CMYA5: variants seen among roughly 807,000 people sequenced by gnomAD.
CMYA5 encodes the protein cardiomyopathy associated 5.
A neutral mutation model predicts 318.9 loss-of-function variants in CMYA5; 246 were observed. The observed-to-expected ratio is 0.77, with a 90% CI of 0.70 to 0.86. The LOEUF is 0.86. Ranked by LOEUF, CMYA5 falls within the 40% of genes least tolerant of loss-of-function variation. The pLI is 0.00. For missense variants in CMYA5, 4,589 were observed against 4,678.2 expected, an observed-to-expected ratio of 0.98 and a Z score of 0.56; for synonymous variants, 1,641 against 1,729.5, an observed-to-expected ratio of 0.95 and a Z score of 1.27.
In CMYA5 at chr5:79,734,074, G is replaced by A. The variant is rs1364256691; in HGVS notation, c.5309G>A (p.Gly1770Asp). The change falls in exon 2 of 13, where the codon GGC (glycine) becomes GAC (aspartate). Residue 1770 changes from glycine to aspartate, a missense_variant. Gly to Asp is a moderately conservative substitution (Grantham distance 94, BLOSUM62 -1). Coordinates refer to ENST00000446378, the MANE Select transcript of CMYA5 (RefSeq NM_153610.5). The stretch of plus-strand genomic sequence containing the variant: ...AAAAAGGGAGGAAATCAAGAAATAG[G>A]CCCATTACCACCAACTGGAAATTTG... The part of the protein sequence containing the change: ...DFKKGGNQEI[G>D]PLPPTGNLKA... The A allele has an allele frequency of 1.9e-6, 3 of 1,613,686 alleles. No homozygotes were observed. Among genetic ancestry groups the A allele is most frequent in the African/African-American group, 1.3e-5 (1 of 74,886 alleles).
chr5:79,791,491 C>T (rs573005717), intron 11 of CMYA5, among the ~76,000 whole-genome samples: 1 of 152,102 alleles, frequency 6.6e-6, no homozygotes, highest in African/African-American at 2.4e-5. Flanking sequence ...GAGGCCAAGG[C>T]AGGCAGATCA....
Position 79,763,083 on chromosome 5 carries a change from G to C in CMYA5, c.11429G>C (p.Arg3810Pro), listed in dbSNP as rs1230455915. The change falls in exon 9 of 13, where the codon CGC becomes CCC. Residue 3810 changes from arginine (R) to proline (P), a missense_variant. Physicochemically the swap from Arg to Pro is moderately radical, Grantham distance 103. Transcript: ENST00000446378. The stretch of plus-strand genomic sequence containing the variant: ...GCAGCACCCTCCACCCCTGTGATCC[G>C]CGCTGAGGACTGTACTGTGTGTTGG... ...FRTAPSTPVI[R>P]AEDCTVCWNT... The C allele has an allele frequency of 6.2e-7, 1 of 1,613,706 alleles. No individual in the cohort carries two copies. The highest frequency in any genetic ancestry group is 8.5e-7 in the Non-Finnish European group (1 of 1,179,882).
chr5:79,734,843 AG>A lies in CMYA5; in HGVS notation c.6079del (p.Glu2027SerfsTer34). On this transcript the variant is annotated frameshift_variant, in exon 2 of 13. Transcript: ENST00000446378. LOFTEE classifies it high-confidence loss of function. ...ESLLLEKANT[E>X]LSWPSKEDSQ... Reference sequence around the variant, plus strand: ...GTTTGCTATTGGAGAAAGCAAACACAGAGCTTTCCTGGCCTTCCAAAGAAGA... The same window carrying A: ...GTTTGCTATTGGAGAAAGCAAACACAAGCTTTCCTGGCCTTCCAAAGAAGA... 1 of 1,613,714 alleles carries A rather than the reference AG, an allele frequency of 6.2e-7. No homozygotes were observed. The highest frequency in any genetic ancestry group is 1.1e-5 in the South Asian group (1 of 91,060).
chr5:79,742,104 T>C (rs1328335173), intron 2 of CMYA5, among the ~76,000 whole-genome samples: 3 of 98,394 alleles, frequency 3.0e-5, no homozygotes, highest in African/African-American at 5.0e-5. Flanking sequence ...TCTTCTTTCT[T>C]CTTCTCTTCT....
Position 79,733,940 on chromosome 5 carries a change from G to A in CMYA5, c.5175G>A (p.Ser1725=), listed in dbSNP as rs151112453. The A allele has an allele frequency of 1.1e-5, 17 of 1,613,244 alleles. No homozygotes were observed. Among genetic ancestry groups the A allele is most frequent in the Middle Eastern group, 1.6e-4 (1 of 6,078 alleles). ...PFSPKIISLE[S]KEPPASVAEG... is the part of the protein sequence containing the mutation. ...CTCCCAAGATCATCAGCCTAGAGTC[G>A]AAAGAACCACCTGCCTCTGTAGCTG... The change falls in exon 2 of 13, where the codon TCG becomes TCA. Residue 1725 remains serine (S), a synonymous_variant. Transcript: ENST00000446378.
intron 8 of CMYA5, chr5:79,762,652 A>AAAT (rs1380720078): frequency 6.3e-6 from 1 of 158,972 alleles, no homozygotes; most frequent in Non-Finnish European, 1.4e-5. Context: ...TCAGGGGAAG[A>AAAT]AATAGTTTAC....
chr5:79,773,747 G>C (rs1580800405), intron 9 of CMYA5, among the ~76,000 whole-genome samples: 1 of 152,200 alleles, frequency 6.6e-6, no homozygotes, highest in African/African-American at 2.4e-5. Flanking sequence ...ATCTCTTTTT[G>C]TCCTTGCCCA....
At position 79,793,485 on chromosome 5, in the gene CMYA5, C is replaced by A. The variant is rs765599894; in HGVS notation, c.11838C>A (p.Tyr3946Ter). 1 of 1,613,928 alleles carries A rather than the reference C, an allele frequency of 6.2e-7. No individual in the cohort carries two copies. Residue 3946 changes from tyrosine (Y) to a stop codon, truncating the protein, a stop_gained, in exon 12 of 13, where the codon TAC (tyrosine) becomes TAA (stop). Coordinates refer to ENST00000446378, the MANE Select transcript of CMYA5 (RefSeq NM_153610.5). LOFTEE classifies it high-confidence loss of function. ...AGCTGCCTTCCTGTGGCCAGCATTACTGGGAAACCACAGTCACAGACTGCC... is the reference window on the plus strand; with the variant it reads ...AGCTGCCTTCCTGTGGCCAGCATTAATGGGAAACCACAGTCACAGACTGCC... ...GEELPSCGQH[Y>*]WETTVTDCPA...
At position 79,736,032 on chromosome 5, in the gene CMYA5, G is replaced by A; in HGVS notation, c.7267G>A (p.Asp2423Asn). 6.2e-7 allele frequency: 1 copy of A among 1,612,834 alleles called. No individual in the cohort carries two copies. Among genetic ancestry groups the A allele is most frequent in the Non-Finnish European group, 8.5e-7 (1 of 1,179,558 alleles). ...PVEESKGSLIDFSEDRLKKEM... is the reference protein window; with the variant it reads ...PVEESKGSLINFSEDRLKKEM... ...AGAAGAATCAAAAGGCAGTTTAATT[G>A]ATTTCAGTGAAGACAGACTCAAGAA... The change falls in exon 2 of 13, where the codon GAT (aspartate) becomes AAT (asparagine). Residue 2423 changes from aspartate (D) to asparagine (N), a missense_variant. Coordinates refer to ENST00000446378, the MANE Select transcript of CMYA5 (RefSeq NM_153610.5).
Position 79,742,048 on chromosome 5 carries a change from C to CTCTTCTTCTTCT in CMYA5, c.10639-1738_10639-1727dup, listed in dbSNP as rs200715392. On this transcript the variant is annotated intron_variant, in intron 2 of 12. Coordinates refer to ENST00000446378, the MANE Select transcript of CMYA5 (RefSeq NM_153610.5). ...TTCCTCCTCCTCCTCCCTCTTTCTC[C>CTCTTCTTCTTCT]TCTTCTTCTTCTTCTTCTTCTTCTT... Among the ~76,000 whole-genome samples, 409 of 102,500 alleles carry CTCTTCTTCTTCT rather than the reference C, an allele frequency of 4.0e-3. 4 individuals carry two copies. The highest frequency in any genetic ancestry group is 0.019 in the African/African-American group (381 of 20,066). 67.2% of individuals were successfully genotyped at this position (102,500 alleles called of 152,430 possible). A position where few individuals can be genotyped will look rare whatever the true frequency, so the allele number is the denominator to read the frequency against.
Position 79,732,027 on chromosome 5 carries a change from G to T in CMYA5, c.3262G>T (p.Glu1088Ter). ...LSLPPSTDKS[E>*]KAEIKPEIPT... Reference sequence around the variant, plus strand: ...TCTGCCGCCTTCAACAGATAAATCAGAGAAAGCAGAAATTAAGCCAGAGAT... The same window carrying T: ...TCTGCCGCCTTCAACAGATAAATCATAGAAAGCAGAAATTAAGCCAGAGAT... Residue 1088 changes from glutamate to a stop codon, truncating the protein, a stop_gained, in exon 2 of 13, where the codon GAG (glutamate) becomes TAG (stop). Coordinates refer to ENST00000446378, the MANE Select transcript of CMYA5 (RefSeq NM_153610.5). LOFTEE classifies it high-confidence loss of function. The T allele has an allele frequency of 6.2e-7, 1 of 1,613,930 alleles. No homozygotes were observed. The highest frequency in any genetic ancestry group is 1.1e-5 in the South Asian group (1 of 91,082).
intron 6 of CMYA5, among the ~76,000 whole-genome samples, 163 bp from the exon 7 acceptor site, chr5:79,758,585 TAAAAA>T (rs1297981873): frequency 6.6e-6 from 1 of 151,472 alleles, no homozygotes; most frequent in Admixed American, 6.6e-5. Flanking sequence ...AAATAAAAAA[TAAAAA>T]AATATAATTG....
At chr5:79,707,206 A>G (rs983524308) in intron 1 of CMYA5, among the ~76,000 whole-genome samples, 3 of 152,172 alleles carry the variant, frequency 2.0e-5, no homozygotes, top group Admixed American at 2.0e-4. Flanking sequence ...CTTTGAACAG[A>G]ATAGAGCCAG....
chr5:79,713,056 C>T (rs866071899), intron 1 of CMYA5, among the ~76,000 whole-genome samples: 3 of 152,142 alleles, frequency 2.0e-5, no homozygotes, highest in South Asian at 2.1e-4. Context: ...GGAACCTGAA[C>T]ATTCTCATCC....
At chr5:79,770,202 C>A (rs1203935108) in intron 9 of CMYA5, among the ~76,000 whole-genome samples, 1 of 152,216 alleles carries the variant, frequency 6.6e-6, no homozygotes, top group Non-Finnish European at 1.5e-5. Context: ...GTGCTGCCAG[C>A]GAGAATTTCA....
intron 1 of CMYA5, among the ~76,000 whole-genome samples, chr5:79,715,976 A>G (rs1309274128): frequency 6.6e-6 from 1 of 152,174 alleles, no homozygotes; most frequent in Non-Finnish European, 1.5e-5. Context: ...CTTCTGAGGG[A>G]GATCTGTATG....
chr5:79,760,784 T>C (rs1828636237), intron 7 of CMYA5, among the ~76,000 whole-genome samples: 1 of 152,172 alleles, frequency 6.6e-6, no homozygotes, highest in Non-Finnish European at 1.5e-5. Flanking sequence ...CCTAAAAGAA[T>C]GATTCCAGTG....
At chr5:79,773,036 A>C (rs73125666) in intron 9 of CMYA5, among the ~76,000 whole-genome samples, 5 of 152,240 alleles carry the variant, frequency 3.3e-5, no homozygotes, top group South Asian at 4.1e-4. Flanking sequence ...TTAGAACCCC[A>C]TTCTTCACTT....
chr5:79,772,007 C>A (rs894148986), intron 9 of CMYA5, among the ~76,000 whole-genome samples: 18 of 151,864 alleles, frequency 1.2e-4, no homozygotes, highest in African/African-American at 3.4e-4. Flanking sequence ...ATCCTGGGGA[C>A]TTTGCAACTA....
Sources: allele counts gnomAD v4.1 joint callset (sites outside exome capture counted in the v4.1 genomes callset), GRCh38; gene constraint gnomAD v4.1.1; transcripts MANE v1.5; gene names NCBI Gene and HGNC (gene_info 2026-07-23, HGNC 2026-07-21).